NCKAP5: variants seen among roughly 807,000 people sequenced by gnomAD.
The protein encoded by NCKAP5 is nck-associated protein 5.
In NCKAP5, 92 loss-of-function variants were observed where a neutral mutation model predicts 167.0. The observed-to-expected ratio is 0.55, with a 90% confidence interval of 0.47 to 0.66. The LOEUF (loss-of-function observed/expected upper bound fraction) is 0.66. Among genes scored for constraint, NCKAP5 ranks in the 30% least tolerant of loss-of-function variants. NCKAP5 has a pLI of 0.00. For missense variants in NCKAP5, 2,378 were observed against 2,315.0 expected, an observed-to-expected ratio of 1.03 and a Z score of -0.56; for synonymous variants, 891 against 877.4, an observed-to-expected ratio of 1.02 and a Z score of -0.27.
intron 8 of NCKAP5, among the ~76,000 whole-genome samples, chr2:132,904,957 T>A (rs1693897810): frequency 6.6e-6 from 1 of 152,232 alleles, no homozygotes; most frequent in African/African-American, 2.4e-5. Context: ...GTTCATAGCA[T>A]TTAAATGTTT....
chr2:132,951,286 A>C (rs567621974), intron 8 of NCKAP5, among the ~76,000 whole-genome samples: 12 of 152,352 alleles, frequency 7.9e-5, no homozygotes, highest in African/African-American at 2.9e-4. Context: ...AGGCGTTCCA[A>C]TTCCAAAGGC....
At chr2:133,253,541 G>T (rs1373602062) in intron 4 of NCKAP5, among the ~76,000 whole-genome samples, 1 of 152,052 alleles carries the variant, frequency 6.6e-6, no homozygotes, top group East Asian at 1.9e-4. Flanking sequence ...CCCATGCCTT[G>T]GACTCCCTCA....
At chr2:133,174,968 C>T (rs1027684042) in intron 5 of NCKAP5, among the ~76,000 whole-genome samples, 1 of 152,154 alleles carries the variant, frequency 6.6e-6, no homozygotes, top group African/African-American at 2.4e-5. Flanking sequence ...AAGAATTGCA[C>T]CAATTTGCAT....
chr2:133,237,271 T>C (rs1399586537), intron 4 of NCKAP5, among the ~76,000 whole-genome samples: 1 of 152,172 alleles, frequency 6.6e-6, no homozygotes, highest in African/African-American at 2.4e-5. Context: ...TATAACAAAG[T>C]AAACCCTTGC....
At chr2:133,209,055 T>G (rs1234968202) in intron 5 of NCKAP5, among the ~76,000 whole-genome samples, 2 of 128,526 alleles carry the variant, frequency 1.6e-5, no homozygotes, top group African/African-American at 6.0e-5. Flanking sequence ...TAATTCCATC[T>G]GAAATTTGCA....
chr2:133,382,218 T>G (rs1686577852), intron 3 of NCKAP5, among the ~76,000 whole-genome samples: 1 of 152,310 alleles, frequency 6.6e-6, no homozygotes, highest in Middle Eastern at 3.4e-3. Context: ...CTTAGATGTC[T>G]TGGGGATCAT....
the NCKAP5 span, among the ~76,000 whole-genome samples, chr2:133,654,451 T>C: frequency 6.6e-6 from 1 of 152,122 alleles, no homozygotes; most frequent in Non-Finnish European, 1.5e-5. Context: ...CAAGATGACA[T>C]AAATAGAAGT....
chr2:133,613,000 A>C, the NCKAP5 span, among the ~76,000 whole-genome samples: 1 of 152,216 alleles, frequency 6.6e-6, no homozygotes. Context: ...GCAAAGAGTG[A>C]GGAGAAACAG....
At chr2:132,834,251 C>T (rs1687723074) in intron 11 of NCKAP5, among the ~76,000 whole-genome samples, 1 of 152,106 alleles carries the variant, frequency 6.6e-6, no homozygotes, top group South Asian at 2.1e-4. Flanking sequence ...AACTGAAGTG[C>T]AGTGGTGTAA....
rs543671933 is a variant in NCKAP5 at position 133,234,360 on chromosome 2, T to C, written c.144-20581A>G. On this transcript the variant is annotated intron_variant, in intron 4 of 19. Coordinates refer to ENST00000409261, the MANE Select transcript of NCKAP5 (RefSeq NM_207363.3). ...GAACACATTGCGGGGCTCTTACATT[T>C]CTTTCCCAATAAAACTCATAACCAT... Among the ~76,000 whole-genome samples, 7 of 152,332 alleles carry C rather than the reference T, an allele frequency of 4.6e-5. No homozygotes were observed. The East Asian group carries it at 1.3e-3, about 29-fold the overall frequency.
At chr2:133,447,786 T>C (rs1691297975) in intron 3 of NCKAP5, among the ~76,000 whole-genome samples, 1 of 152,140 alleles carries the variant, frequency 6.6e-6, no homozygotes, top group South Asian at 2.1e-4. Context: ...GTGCCCAGCC[T>C]CTTTCTTTTT....
intron 6 of NCKAP5, among the ~76,000 whole-genome samples, chr2:133,095,863 A>G (rs928295876): frequency 6.6e-6 from 1 of 152,218 alleles, no homozygotes; most frequent in African/African-American, 2.4e-5. Context: ...TCTATAAGTG[A>G]AAACTGGTCT....
chr2:133,263,646 C>T (rs1051538747), intron 4 of NCKAP5, among the ~76,000 whole-genome samples: 2 of 151,986 alleles, frequency 1.3e-5, no homozygotes, highest in African/African-American at 4.8e-5. Context: ...GAAGGGCTGC[C>T]CTCCATGTTC....
chr2:133,329,208 G>A (rs1682660969), intron 3 of NCKAP5, among the ~76,000 whole-genome samples: 1 of 152,150 alleles, frequency 6.6e-6, no homozygotes, highest in African/African-American at 2.4e-5. Flanking sequence ...ATCTGGGTCT[G>A]CTTTCCTTTT....
intron 4 of NCKAP5, among the ~76,000 whole-genome samples, chr2:133,247,646 T>C (rs72985665): frequency 0.026 from 4,024 of 152,316 alleles, 162 homozygotes; most frequent in African/African-American, 0.087. Context: ...TGAATATGTT[T>C]TCTTTATAGA....
rs151230309 is a variant in NCKAP5 at position 133,100,102 on chromosome 2, T to C, written c.341+29876A>G. Among the ~76,000 whole-genome samples the C allele has an allele frequency of 2.0e-5, 3 of 152,234 alleles. No individual in the cohort carries two copies. In the East Asian group the frequency reaches 5.8e-4, roughly 29 times the overall value. Reference sequence around the variant, plus strand: ...ATGTCTAAGACAAAAGTTAACAGGGTAGATGAGGAATTACTCTTTGTGAAC... The same window carrying C: ...ATGTCTAAGACAAAAGTTAACAGGGCAGATGAGGAATTACTCTTTGTGAAC... On this transcript the variant is annotated intron_variant, in intron 6 of 19. Transcript: ENST00000409261.
At chr2:132,856,095 C>T (rs1206648766) in intron 11 of NCKAP5, among the ~76,000 whole-genome samples, 1 of 152,274 alleles carries the variant, frequency 6.6e-6, no homozygotes, top group South Asian at 2.1e-4. Flanking sequence ...ACCCGGGAGG[C>T]AAAGCTTGCA....
intron 3 of NCKAP5, among the ~76,000 whole-genome samples, chr2:133,467,003 C>T (rs927249777): frequency 7.9e-5 from 12 of 152,028 alleles, no homozygotes; most frequent in African/African-American, 2.7e-4. Flanking sequence ...CCCTTTATTT[C>T]CTTCTCCTGC....
At chr2:132,987,195 T>C (rs986376147) in intron 7 of NCKAP5, among the ~76,000 whole-genome samples, 1 of 152,188 alleles carries the variant, frequency 6.6e-6, no homozygotes, top group Admixed American at 6.5e-5. Flanking sequence ...GGTGTCTTCT[T>C]TGTCTTCTCG....
Sources: gnomAD v4.1 joint callset for allele counts (sites outside exome capture counted in the v4.1 genomes callset) on GRCh38, gnomAD v4.1.1 for gene constraint, MANE v1.5 for transcripts, NCBI Gene and HGNC (gene_info 2026-07-23, HGNC 2026-07-21) for gene names.